The following PRR18 variants were observed in gnomAD, a reference collection of about 807,000 sequenced individuals.
PRR18 encodes proline rich 18, also known as proline-rich protein 18.
For synonymous variants in PRR18, 228 were observed against 220.2 expected, an observed-to-expected ratio of 1.04 and a Z score of -0.32; for missense variants, 517 against 437.4, an observed-to-expected ratio of 1.18 and a Z score of -1.62.
In PRR18 at chr6:166,307,867, C is replaced by A; in HGVS notation, c.276G>T (p.Pro92=). 4 of 1,252,774 alleles carry A rather than the reference C, an allele frequency of 3.2e-6. No individual in the cohort carries two copies. Among genetic ancestry groups the A allele is most frequent in the Non-Finnish European group, 4.0e-6 (4 of 999,610 alleles). 77.6% of individuals were successfully genotyped at this position (1,252,774 alleles called of 1,614,324 possible). A position where few individuals can be genotyped will look rare whatever the true frequency, so the allele number is the denominator to read the frequency against. Residue 92 remains proline, a synonymous_variant, in exon 1 of 1, where the codon CCG becomes CCT. Transcript: ENST00000322583. ...SRARAPATCA[P]PRPAGSGHSP... is the part of the protein sequence containing the mutation. ...TGTGGCCGGAGCCTGCCGGCCGGGG[C>A]GGGGCGCACGTGGCTGGGGCCCGCG...
In PRR18 at chr6:166,307,755, C is replaced by T. The variant is rs1423150601; in HGVS notation, c.388G>A (p.Asp130Asn). 7 of 1,505,174 alleles carry T rather than the reference C, an allele frequency of 4.7e-6. No individual in the cohort carries two copies. The highest frequency in any genetic ancestry group is 6.2e-6 in the Non-Finnish European group (7 of 1,122,372). The allele number at this position is 1,505,174 out of a possible 1,614,324, so 93.2% of individuals were successfully genotyped here. ...TTCAGGCAGAAGCGCGCAGCGGAGT[C>T]TGGACAAGGCCCCGCCCCCGAGGAG... Reference protein sequence around the residue: ...GTSSGAGPCPDSAARFCLNLT... With the variant: ...GTSSGAGPCPNSAARFCLNLT... Residue 130 changes from aspartate to asparagine, a missense_variant, in exon 1 of 1, where the codon GAC (aspartate) becomes AAC (asparagine). Asp to Asn is a conservative substitution (Grantham distance 23). Transcript: ENST00000322583.
Position 166,308,300 on chromosome 6 carries a change from C to T in PRR18, c.-158G>A, listed in dbSNP as rs903449188. 4.3e-6 allele frequency: 3 copies of T among 700,310 alleles called. No homozygotes were observed. Among genetic ancestry groups the T allele is most frequent in the Non-Finnish European group, 6.0e-6 (3 of 503,854 alleles). 43.4% of individuals were successfully genotyped at this position (700,310 alleles called of 1,614,324 possible). ...TTCCTCACATCCCAGCGACCAAACC[C>T]GGGGACTCAAAGAGAGGCGCTCCCA... On this transcript the variant is annotated 5_prime_UTR_variant, in exon 1 of 1. Transcript: ENST00000322583.
At position 166,306,875 on chromosome 6, in the gene PRR18, T is replaced by A. The variant is rs182353237; in HGVS notation, c.*380A>T. The stretch of plus-strand genomic sequence containing the variant: ...GGAAGGCCCGCCTCCAGGCAGAGGG[T>A]CTCTGGGACCTAGACGAACCCTGGG... On this transcript the variant is annotated 3_prime_UTR_variant, in exon 1 of 1. Coordinates refer to ENST00000322583, the MANE Select transcript of PRR18 (RefSeq NM_175922.4). The A allele has an allele frequency of 2.7e-5, 5 of 188,350 alleles. No individual in the cohort carries two copies. The East Asian group carries it at 6.6e-4, about 25-fold the overall frequency. The allele number at this position is 188,350 out of a possible 1,614,324, so 11.7% of individuals were successfully genotyped here.
At position 166,307,234 on chromosome 6, in the gene PRR18, G is replaced by A; in HGVS notation, c.*21C>T. On this transcript the variant is annotated 3_prime_UTR_variant, in exon 1 of 1. Transcript: ENST00000322583. The stretch of plus-strand genomic sequence containing the variant: ...AGTGAGGTGGGATCAGGCCTGGCCT[G>A]TCCCCGCAGGCCCGCTGGGCTCACA... 1.4e-6 allele frequency: 2 copies of A among 1,441,332 alleles called. No individual in the cohort carries two copies. Among genetic ancestry groups the A allele is most frequent in the Admixed American group, 2.8e-5 (1 of 35,342 alleles). 89.3% of individuals were successfully genotyped at this position (1,441,332 alleles called of 1,614,324 possible). A position where few individuals can be genotyped will look rare whatever the true frequency, so the allele number is the denominator to read the frequency against.
At position 166,307,919 on chromosome 6, in the gene PRR18, A is replaced by G. The variant is rs1583026742; in HGVS notation, c.224T>C (p.Val75Ala). 4.1e-6 allele frequency: 5 copies of G among 1,222,360 alleles called. No homozygotes were observed. The South Asian group carries it at 1.2e-4, about 30-fold the overall frequency. The allele number at this position is 1,222,360 out of a possible 1,614,324, so 75.7% of individuals were successfully genotyped here. ...GCGGCTGGGCAAGGCCTGGGGGGAG[A>G]CGCCCGGAGGGGCCGGCGGCTGCGT... ...DRTQPPAPPGVSPQALPSRAR... is the reference protein window; with the variant it reads ...DRTQPPAPPGASPQALPSRAR... The change falls in exon 1 of 1, where the codon GTC (valine) becomes GCC (alanine). Residue 75 changes from valine to alanine, a missense_variant. Transcript: ENST00000322583.
rs758218727 is a variant in PRR18, at chr6:166,307,482, C to T, written c.661G>A (p.Val221Ile). 3.3e-5 allele frequency: 47 copies of T among 1,435,914 alleles called. No individual in the cohort carries two copies. In the African/African-American group the frequency reaches 6.3e-4, roughly 19 times the overall value. 88.9% of individuals were successfully genotyped at this position (1,435,914 alleles called of 1,614,324 possible). A position where few individuals can be genotyped will look rare whatever the true frequency, so the allele number is the denominator to read the frequency against. The change falls in exon 1 of 1, where the codon GTT becomes ATT. Residue 221 changes from valine to isoleucine, a missense_variant. By Grantham distance (29) the Val-to-Ile change is conservative (BLOSUM62 3). Coordinates refer to ENST00000322583, the MANE Select transcript of PRR18 (RefSeq NM_175922.4). ...CCGGGCCGCGGGCTGAGCTGGGGAACCTGCAGGCCGCCGTGCAGCAGCTGG... is the reference window on the plus strand; with the variant it reads ...CCGGGCCGCGGGCTGAGCTGGGGAATCTGCAGGCCGCCGTGCAGCAGCTGG... ...GAQLLHGGLQ[V>I]PQLSPRPGAL...
Position 166,308,037 on chromosome 6 carries a change from G to A in PRR18, c.106C>T (p.Pro36Ser). The A allele has an allele frequency of 1.6e-6, 2 of 1,239,986 alleles. No homozygotes were observed. Among genetic ancestry groups the A allele is most frequent in the African/African-American group, 1.6e-5 (1 of 64,210 alleles). The allele number at this position is 1,239,986 out of a possible 1,614,324, so 76.8% of individuals were successfully genotyped here. A position where few individuals can be genotyped will look rare whatever the true frequency, so the allele number is the denominator to read the frequency against. The change falls in exon 1 of 1, where the codon CCC becomes TCC. Residue 36 changes from proline to serine, a missense_variant. By Grantham distance (74) the Pro-to-Ser change is moderately conservative. Coordinates refer to ENST00000322583, the MANE Select transcript of PRR18 (RefSeq NM_175922.4). ...AGGAGCCCCTCGGGCCGCTGTGGGGGCCTCTTCTTCTTGTCCCCCGCGGCG... is the reference window on the plus strand; with the variant it reads ...AGGAGCCCCTCGGGCCGCTGTGGGGACCTCTTCTTCTTGTCCCCCGCGGCG... ...PCAAGDKKKR[P>S]PQRPEGLLSS...
In PRR18 at chr6:166,307,640, G is replaced by C; in HGVS notation, c.503C>G (p.Ser168Trp). The C allele has an allele frequency of 7.0e-7, 1 of 1,422,200 alleles. No homozygotes were observed. 88.1% of individuals were successfully genotyped at this position (1,422,200 alleles called of 1,614,324 possible). Residue 168 changes from serine (S) to tryptophan (W), a missense_variant, in exon 1 of 1, where the codon TCG becomes TGG. Physicochemically the swap from Ser to Trp is radical, Grantham distance 177 (BLOSUM62 -3). Transcript: ENST00000322583. ...ARPRRPFPSP[S>W]AEPRRLLAPC... The stretch of plus-strand genomic sequence containing the variant: ...GGCGAGTAGGCGCCTGGGTTCGGCC[G>C]AGGGTGAGGGGAAGGGCCTGCGGGG...
chr6:166,308,297 A>C lies in PRR18; in HGVS notation c.-155T>G. The C allele has an allele frequency of 1.4e-6, 1 of 691,400 alleles. No individual in the cohort carries two copies. Among genetic ancestry groups the C allele is most frequent in the Non-Finnish European group, 2.0e-6 (1 of 496,416 alleles). 42.8% of individuals were successfully genotyped at this position (691,400 alleles called of 1,614,324 possible). ...GGCTTCCTCACATCCCAGCGACCAAACCCGGGGACTCAAAGAGAGGCGCTC... is the reference window on the plus strand; with the variant it reads ...GGCTTCCTCACATCCCAGCGACCAACCCCGGGGACTCAAAGAGAGGCGCTC... On this transcript the variant is annotated 5_prime_UTR_variant, in exon 1 of 1. Coordinates refer to ENST00000322583, the MANE Select transcript of PRR18 (RefSeq NM_175922.4).
rs908400994 is a variant in PRR18, at chr6:166,306,541, A to G, written c.*714T>C. 8 of 151,442 alleles carry G rather than the reference A, an allele frequency of 5.3e-5. No individual in the cohort carries two copies. Among genetic ancestry groups the G allele is most frequent in the Non-Finnish European group, 1.2e-4 (8 of 68,034 alleles). The allele number at this position is 151,442 out of a possible 1,614,324, so 9.4% of individuals were successfully genotyped here. ...GCTTTACTCTCTATTCAAATAATAC[A>G]CAGAAAAAATGTAATCAGCCGAGCG... On this transcript the variant is annotated 3_prime_UTR_variant, in exon 1 of 1. Coordinates refer to ENST00000322583, the MANE Select transcript of PRR18 (RefSeq NM_175922.4).
Position 166,307,315 on chromosome 6 carries a change from C to T in PRR18, c.828G>A (p.Ala276=), listed in dbSNP as rs747689052. 9 of 1,551,284 alleles carry T rather than the reference C, an allele frequency of 5.8e-6. No homozygotes were observed. In the African/African-American group the frequency reaches 8.4e-5, roughly 15 times the overall value. ...CCCCCGCCCGGCCCCGCGCGGCAGC[C>T]GCGGACTCCACGCCGCGCAGCCACT... The part of the protein sequence containing the change: ...CTEWLRGVES[A]AAARGRAGAL... The change falls in exon 1 of 1, where the codon GCG becomes GCA. Residue 276 remains alanine, a synonymous_variant. Transcript: ENST00000322583.
Position 166,308,067 on chromosome 6 carries a change from G to C in PRR18, c.76C>G (p.Pro26Ala). ...TTCTTCTTGTCCCCCGCGGCGCAGG[G>C]CCTCCGGGGTAACTGGCGCGCGGCT... ...AQAARQLPRRPCAAGDKKKRP... is the reference protein window; with the variant it reads ...AQAARQLPRRACAAGDKKKRP... The change falls in exon 1 of 1, where the codon CCC becomes GCC. Residue 26 changes from proline to alanine, a missense_variant. Physicochemically the swap from Pro to Ala is conservative, Grantham distance 27. Transcript: ENST00000322583. 6.5e-6 allele frequency: 8 copies of C among 1,237,778 alleles called. No individual in the cohort carries two copies. Among genetic ancestry groups the C allele is most frequent in the Non-Finnish European group, 8.1e-6 (8 of 986,012 alleles). 76.7% of individuals were successfully genotyped at this position (1,237,778 alleles called of 1,614,324 possible). A position where few individuals can be genotyped will look rare whatever the true frequency, so the allele number is the denominator to read the frequency against.
rs1778142558 is a variant in PRR18 at position 166,308,186 on chromosome 6, C to A, written c.-44G>T. The A allele has an allele frequency of 8.1e-7, 1 of 1,227,788 alleles. No individual in the cohort carries two copies. The highest frequency in any genetic ancestry group is 1.0e-6 in the Non-Finnish European group (1 of 984,002). The allele number at this position is 1,227,788 out of a possible 1,614,324, so 76.1% of individuals were successfully genotyped here. On this transcript the variant is annotated 5_prime_UTR_variant, in exon 1 of 1. Transcript: ENST00000322583. ...GATCCTCAGCCCCTGGAAAGAGAGG[C>A]GGGCGCTCAGCCACTGTGCGCGGAG...
At position 166,307,218 on chromosome 6, in the gene PRR18, G is replaced by T. The variant is rs528153364; in HGVS notation, c.*37C>A. ...AGTGGCGCGTGCAGGAAGTGAGGTGGGATCAGGCCTGGCCTGTCCCCGCAG... is the reference window on the plus strand; with the variant it reads ...AGTGGCGCGTGCAGGAAGTGAGGTGTGATCAGGCCTGGCCTGTCCCCGCAG... On this transcript the variant is annotated 3_prime_UTR_variant, in exon 1 of 1. Coordinates refer to ENST00000322583, the MANE Select transcript of PRR18 (RefSeq NM_175922.4). 4.7e-5 allele frequency: 64 copies of T among 1,372,776 alleles called. No homozygotes were observed. In the East Asian group the frequency reaches 1.7e-3, roughly 36 times the overall value. 85.0% of individuals were successfully genotyped at this position (1,372,776 alleles called of 1,614,324 possible). A position where few individuals can be genotyped will look rare whatever the true frequency, so the allele number is the denominator to read the frequency against.
chr6:166,307,444 C>T lies in PRR18; in HGVS notation c.699G>A (p.Pro233=), dbSNP rs776038357. Reference sequence around the variant, plus strand: ...CGTTGAGCAGCGACACCTTGAGCATCGGCCGCAGGGCCCCGGGCCGCGGGC... The same window carrying T: ...CGTTGAGCAGCGACACCTTGAGCATTGGCCGCAGGGCCCCGGGCCGCGGGC... ...QLSPRPGALR[P]MLKVSLLNER... Residue 233 remains proline, a synonymous_variant, in exon 1 of 1, where the codon CCG becomes CCA. Coordinates refer to ENST00000322583, the MANE Select transcript of PRR18 (RefSeq NM_175922.4). 5.6e-5 allele frequency: 86 copies of T among 1,543,126 alleles called. No homozygotes were observed. Among genetic ancestry groups the T allele is most frequent in the Non-Finnish European group, 7.2e-5 (83 of 1,153,878 alleles).
chr6:166,307,730 T>C lies in PRR18; in HGVS notation c.413A>G (p.Asn138Ser), dbSNP rs1395330625. The change falls in exon 1 of 1, where the codon AAT becomes AGT. Residue 138 changes from asparagine (N) to serine (S), a missense_variant. Coordinates refer to ENST00000322583, the MANE Select transcript of PRR18 (RefSeq NM_175922.4). ...CPDSAARFCL[N>S]LTPEAVLVIQ... ...GACCAGGACGGCCTCGGGGGTGAGATTCAGGCAGAAGCGCGCAGCGGAGTC... is the reference window on the plus strand; with the variant it reads ...GACCAGGACGGCCTCGGGGGTGAGACTCAGGCAGAAGCGCGCAGCGGAGTC... 1 of 1,524,658 alleles carries C rather than the reference T, an allele frequency of 6.6e-7. No individual in the cohort carries two copies. The highest frequency in any genetic ancestry group is 8.8e-7 in the Non-Finnish European group (1 of 1,133,696). The allele number at this position is 1,524,658 out of a possible 1,614,324, so 94.4% of individuals were successfully genotyped here. A position where few individuals can be genotyped will look rare whatever the true frequency, so the allele number is the denominator to read the frequency against.
chr6:166,308,138 G>A lies in PRR18; in HGVS notation c.5C>T (p.Pro2Leu). 4 of 1,230,338 alleles carry A rather than the reference G, an allele frequency of 3.3e-6. No homozygotes were observed. Among genetic ancestry groups the A allele is most frequent in the Non-Finnish European group, 4.1e-6 (4 of 985,502 alleles). The allele number at this position is 1,230,338 out of a possible 1,614,324, so 76.2% of individuals were successfully genotyped here. MPFPPMPPPPAP... is the reference protein window; with the variant it reads MLFPPMPPPPAP... The stretch of plus-strand genomic sequence containing the variant: ...GGGCGGCGGCGGCATGGGCGGGAAG[G>A]GCATAGTGCAGCCGAGCCGCCGGAT... Residue 2 changes from proline to leucine, a missense_variant, in exon 1 of 1, where the codon CCC becomes CTC. Pro to Leu is a moderately conservative substitution (Grantham distance 98). Coordinates refer to ENST00000322583, the MANE Select transcript of PRR18 (RefSeq NM_175922.4).
Position 166,307,615 on chromosome 6 carries a change from G to A in PRR18, c.528C>T (p.Ala176=), listed in dbSNP as rs375458610. 984 of 1,329,738 alleles carry A rather than the reference G, an allele frequency of 7.4e-4. No individual in the cohort carries two copies. Among genetic ancestry groups the A allele is most frequent in the Non-Finnish European group, 9.2e-4 (955 of 1,035,616 alleles). The allele number at this position is 1,329,738 out of a possible 1,614,324, so 82.4% of individuals were successfully genotyped here. ...SPSAEPRRLL[A]PCLPARAAGP... ...CCGCGGCCCTAGCCGGGAGACACGG[G>A]GCGAGTAGGCGCCTGGGTTCGGCCG... Residue 176 remains alanine (A), a synonymous_variant, in exon 1 of 1, where the codon GCC becomes GCT. Coordinates refer to ENST00000322583, the MANE Select transcript of PRR18 (RefSeq NM_175922.4).
At position 166,307,701 on chromosome 6, in the gene PRR18, G is replaced by T; in HGVS notation, c.442C>A (p.Gln148Lys). ...AGCTGCTTCTCCAGATGACGCTTCT[G>T]GATGACCAGGACGGCCTCGGGGGTG... Reference protein sequence around the residue: ...NLTPEAVLVIQKRHLEKQLLA... With the variant: ...NLTPEAVLVIKKRHLEKQLLA... The change falls in exon 1 of 1, where the codon CAG (glutamine) becomes AAG (lysine). Residue 148 changes from glutamine to lysine, a missense_variant. Physicochemically the swap from Gln to Lys is moderately conservative, Grantham distance 53. Coordinates refer to ENST00000322583, the MANE Select transcript of PRR18 (RefSeq NM_175922.4). 1.3e-6 allele frequency: 2 copies of T among 1,524,334 alleles called. No homozygotes were observed. Among genetic ancestry groups the T allele is most frequent in the Non-Finnish European group, 8.8e-7 (1 of 1,133,566 alleles). 94.4% of individuals were successfully genotyped at this position (1,524,334 alleles called of 1,614,324 possible). A position where few individuals can be genotyped will look rare whatever the true frequency, so the allele number is the denominator to read the frequency against.
Sources: allele counts gnomAD v4.1 joint callset, GRCh38; gene constraint gnomAD v4.1.1; transcripts MANE v1.5; gene names NCBI Gene and HGNC (gene_info 2026-07-23, HGNC 2026-07-21).